CAMK4: variants seen among roughly 807,000 people sequenced by gnomAD.
The protein encoded by CAMK4 is calcium/calmodulin dependent protein kinase IV, also known as calcium/calmodulin-dependent protein kinase type IV.
Under a neutral mutation model 44.9 loss-of-function variants are expected in CAMK4, and 22 were observed. The ratio of observed to expected loss-of-function variants is 0.49; its 90% CI spans 0.35 to 0.70. The LOEUF is 0.70. CAMK4 is among the 30% of genes least tolerant of loss of function. The pLI is 0.01. For missense variants in CAMK4, 498 were observed against 586.8 expected (o/e 0.85, Z 1.56); for synonymous variants, 218 against 215.4 (o/e 1.01, Z -0.11).
intron 5 of CAMK4, among the ~76,000 whole-genome samples, chr5:111,417,722 C>A (rs781641532): frequency 1.3e-5 from 2 of 152,116 alleles, no homozygotes; most frequent in Admixed American, 1.3e-4. Flanking sequence ...TAGGAAATTT[C>A]CAGATATTTG....
rs1338014511 is a variant in CAMK4 at position 111,486,603 on chromosome 5, C to G, written c.*2137C>G. ...TTAGAAAGTGGCACTTGGCGCTTAG[C>G]TGAAAGATCAGAACACATCATTCCT... On this transcript the variant is annotated 3_prime_UTR_variant, in exon 11 of 11. Transcript: ENST00000282356. The G allele has an allele frequency of 6.6e-6, 1 of 151,994 alleles. No homozygotes were observed. The highest frequency in any genetic ancestry group is 1.5e-5 in the Non-Finnish European group (1 of 68,386). The allele number at this position is 151,994 out of a possible 1,614,324, so 9.4% of individuals were successfully genotyped here.
intron 1 of CAMK4, among the ~76,000 whole-genome samples, chr5:111,248,519 G>GA (rs111654091): frequency 0.27 from 39,772 of 147,738 alleles, 5,400 homozygotes; most frequent in African/African-American, 0.29. Context: ...AACAAGTCAT[G>GA]AAAAAAAAAA....
chr5:111,262,352 T>G (rs1207936620), intron 1 of CAMK4, among the ~76,000 whole-genome samples: 1 of 152,122 alleles, frequency 6.6e-6, no homozygotes. Flanking sequence ...TGGTGCTTAT[T>G]GAAGTTAGGC....
chr5:111,285,373 G>A (rs367949711), intron 1 of CAMK4, among the ~76,000 whole-genome samples: 1 of 152,186 alleles, frequency 6.6e-6, no homozygotes, highest in East Asian at 1.9e-4. Flanking sequence ...GGTGGCCAAT[G>A]TGATTTTAAT....
chr5:111,474,990 C>A (rs1039433222), intron 8 of CAMK4, among the ~76,000 whole-genome samples: 1 of 152,070 alleles, frequency 6.6e-6, no homozygotes, highest in African/African-American at 2.4e-5. Context: ...GGTGAAACCC[C>A]GTCTCTACTA....
chr5:111,385,255 A>T (rs1751557070), intron 4 of CAMK4, among the ~76,000 whole-genome samples: 1 of 152,110 alleles, frequency 6.6e-6, no homozygotes, highest in Admixed American at 6.6e-5. Flanking sequence ...GATAAGTGCT[A>T]TAATTAGGGC....
chr5:111,253,753 T>G (rs987075417), intron 1 of CAMK4, among the ~76,000 whole-genome samples: 41 of 152,324 alleles, frequency 2.7e-4, no homozygotes, highest in African/African-American at 9.1e-4. Context: ...TTTCTTTCAT[T>G]TTTCAATAGT....
chr5:111,413,709 T>G (rs1426584924), intron 5 of CAMK4, among the ~76,000 whole-genome samples: 1 of 152,004 alleles, frequency 6.6e-6, no homozygotes, highest in Non-Finnish European at 1.5e-5. Context: ...AATATAGCCA[T>G]AAAAGCCAAG....
At chr5:111,261,669 G>A (rs888639207) in intron 1 of CAMK4, among the ~76,000 whole-genome samples, 1 of 151,752 alleles carries the variant, frequency 6.6e-6, no homozygotes, top group Non-Finnish European at 1.5e-5. Flanking sequence ...GCAAAAGTTG[G>A]AGAGAATGCC....
chr5:111,233,719 G>A (rs1422014520), intron 1 of CAMK4, among the ~76,000 whole-genome samples: 2 of 152,192 alleles, frequency 1.3e-5, no homozygotes, highest in Admixed American at 6.5e-5. Flanking sequence ...TATTAGCTGT[G>A]TGTTGAATAA....
At chr5:111,320,801 C>T (rs1748631971) in intron 1 of CAMK4, among the ~76,000 whole-genome samples, 1 of 152,194 alleles carries the variant, frequency 6.6e-6, no homozygotes, top group Non-Finnish European at 1.5e-5. Flanking sequence ...CCACTGTACC[C>T]AGCTAATATT....
intron 5 of CAMK4, among the ~76,000 whole-genome samples, chr5:111,427,142 A>T (rs751489514): frequency 1.3e-5 from 2 of 152,048 alleles, no homozygotes; most frequent in African/African-American, 2.4e-5. Flanking sequence ...TTTATCTTGC[A>T]TCTAGGATAC....
At chr5:111,293,459 T>G (rs1018706998) in intron 1 of CAMK4, among the ~76,000 whole-genome samples, 1 of 151,820 alleles carries the variant, frequency 6.6e-6, no homozygotes, top group Non-Finnish European at 1.5e-5. Context: ...TGGAGTCTCA[T>G]CCTGTTGCCC....
At chr5:111,384,750 A>C (rs1410945211) in intron 4 of CAMK4, among the ~76,000 whole-genome samples, 1 of 151,910 alleles carries the variant, frequency 6.6e-6, no homozygotes, top group African/African-American at 2.4e-5. Flanking sequence ...GCACCTTTGC[A>C]TTGTTTCCCA....
intron 2 of CAMK4, among the ~76,000 whole-genome samples, chr5:111,352,637 C>CAGAGAGAGAGAGAGAGAG (rs70973603): frequency 2.7e-5 from 3 of 109,102 alleles, no homozygotes; most frequent in Non-Finnish European, 5.4e-5. Context: ...GGCAGAATAG[C>CAGAGAGAGAGAGAGAGAG]AGAGAGAGAG....
At chr5:111,430,006 A>G (rs758664604) in intron 5 of CAMK4, among the ~76,000 whole-genome samples, 38 of 151,868 alleles carry the variant, frequency 2.5e-4, no homozygotes, top group Admixed American at 4.6e-4. Context: ...CCAGACAATG[A>G]TATATCAAAA....
At chr5:111,269,631 A>T (rs113539106) in intron 1 of CAMK4, among the ~76,000 whole-genome samples, 1 of 152,136 alleles carries the variant, frequency 6.6e-6, no homozygotes, top group Non-Finnish European at 1.5e-5. Flanking sequence ...GTTTGCCTGC[A>T]TACTCAGCTT....
At chr5:111,370,823 GA>G (rs1580664159) in intron 2 of CAMK4, among the ~76,000 whole-genome samples, 1 of 152,244 alleles carries the variant, frequency 6.6e-6, no homozygotes, top group East Asian at 1.9e-4. Flanking sequence ...GCTGAGGCAG[GA>G]GAATCGCTTG....
intron 1 of CAMK4, among the ~76,000 whole-genome samples, chr5:111,336,230 C>T (rs1749396904): frequency 6.6e-6 from 1 of 151,006 alleles, no homozygotes; most frequent in Non-Finnish European, 1.5e-5. Flanking sequence ...AATATAATAT[C>T]CTCTAATGTA....
Sources: allele counts gnomAD v4.1 joint callset (sites outside exome capture counted in the v4.1 genomes callset), GRCh38; gene constraint gnomAD v4.1.1; transcripts MANE v1.5; gene names NCBI Gene and HGNC (gene_info 2026-07-23, HGNC 2026-07-21).